Variants in ZHX2 observed in about 807,000 individuals in gnomAD.
The protein encoded by ZHX2 is zinc fingers and homeoboxes protein 2.
Under a neutral mutation model 21.9 loss-of-function variants are expected in ZHX2, and 6 were observed. The observed-to-expected ratio is 0.27, with a 90% CI of 0.15 to 0.54. The LOEUF (loss-of-function observed/expected upper bound fraction) is 0.54, where lower values mean the gene tolerates loss of function less well. ZHX2 is among the 20% of genes least tolerant of loss of function. The pLI is 0.95. For missense variants in ZHX2, 908 were observed against 1,090.7 expected (o/e 0.83, Z 2.36); for synonymous variants, 434 against 437.1 (o/e 0.99, Z 0.09).
At chr8:122,909,194 A>G (rs1388670435) in intron 2 of ZHX2, among the ~76,000 whole-genome samples, 2 of 152,104 alleles carry the variant, frequency 1.3e-5, no homozygotes, top group Non-Finnish European at 2.9e-5. Context: ...AGTTTGGGAG[A>G]TCGAGGTGGG....
rs1813774331 is a variant in ZHX2 at position 122,973,353 on chromosome 8, C to G, written c.*116C>G. ...CCCTTGCCAGTGACTCCAAGTGGAA[C>G]TACTTAGCTCGCGTGTGCCTGGAGG... On this transcript the variant is annotated 3_prime_UTR_variant, in exon 4 of 4. Coordinates refer to ENST00000314393, the MANE Select transcript of ZHX2 (RefSeq NM_014943.5). 6.5e-6 allele frequency: 1 copy of G among 152,720 alleles called. No homozygotes were observed. The highest frequency in any genetic ancestry group is 2.1e-4 in the South Asian group (1 of 4,838). 9.5% of individuals were successfully genotyped at this position (152,720 alleles called of 1,614,324 possible). A position where few individuals can be genotyped will look rare whatever the true frequency, so the allele number is the denominator to read the frequency against.
At chr8:122,849,515 CT>C (rs1003886772) in intron 1 of ZHX2, among the ~76,000 whole-genome samples, 1 of 151,988 alleles carries the variant, frequency 6.6e-6, no homozygotes, top group Non-Finnish European at 1.5e-5. Context: ...TAGGGAACAT[CT>C]TTTTTTTGCC....
intron 2 of ZHX2, among the ~76,000 whole-genome samples, chr8:122,923,496 T>G (rs930216359): frequency 6.6e-6 from 1 of 152,212 alleles, no homozygotes; most frequent in African/African-American, 2.4e-5. Flanking sequence ...TTCCACCATA[T>G]TATACTGGTC....
chr8:122,781,204 A>G, upstream of ZHX2: 2 of 152,262 alleles, frequency 1.3e-5, 1 homozygote, highest in Non-Finnish European at 2.9e-5. This position sits in a 1 kb window ranked among gnomAD's most constrained non-coding sequence, Gnocchi z 4.6. Context: ...GGGTACCGCC[A>G]GAGCCGGGCC....
chr8:122,946,961 A>G (rs35276815), intron 2 of ZHX2, among the ~76,000 whole-genome samples: 5,717 of 152,052 alleles, frequency 0.038, 166 homozygotes, highest in Non-Finnish European at 0.056. Context: ...GCCTCCCTAC[A>G]GTTAATTTGT....
intron 2 of ZHX2, among the ~76,000 whole-genome samples, chr8:122,909,468 G>T (rs1180840117): frequency 6.6e-6 from 1 of 151,544 alleles, no homozygotes; most frequent in Non-Finnish European, 1.5e-5. Flanking sequence ...GCAGGCGTTA[G>T]GGGACAACTT....
intron 1 of ZHX2, among the ~76,000 whole-genome samples, chr8:122,823,675 G>T (rs1818202152): frequency 6.6e-6 from 1 of 152,180 alleles, no homozygotes; most frequent in Admixed American, 6.5e-5. Flanking sequence ...GTGACAAAGA[G>T]GTTCCCTTGT....
At chr8:122,836,624 T>C (rs999533774) in intron 1 of ZHX2, among the ~76,000 whole-genome samples, 1 of 152,322 alleles carries the variant, frequency 6.6e-6, no homozygotes, top group Admixed American at 6.5e-5. Context: ...TTTTATAGTC[T>C]CCTGTAAACA....
In ZHX2 at chr8:122,782,735, G is replaced by A. The variant is rs1298009394; in HGVS notation, c.-283+789G>A. On this transcript the variant is annotated intron_variant, in intron 1 of 3. Coordinates refer to ENST00000314393, the MANE Select transcript of ZHX2 (RefSeq NM_014943.5). The surrounding 1 kb of genome is among the most constrained non-coding windows in gnomAD (Gnocchi z 5.3). ...TGCAGGGGGAGTCCGCGCGGGGCGG[G>A]GGGCCGAGGGCGGCCGCGGGACCCC... is the stretch of plus-strand genomic sequence containing the variant. Among the ~76,000 whole-genome samples, 1 of 152,036 alleles carries A rather than the reference G, an allele frequency of 6.6e-6. No individual in the cohort carries two copies. Among genetic ancestry groups the A allele is most frequent in the East Asian group, 1.9e-4 (1 of 5,180 alleles).
intron 2 of ZHX2, among the ~76,000 whole-genome samples, chr8:122,895,087 T>A (rs190744220): frequency 6.6e-6 from 1 of 152,212 alleles, no homozygotes; most frequent in East Asian, 1.9e-4. Flanking sequence ...ATCACCAGAA[T>A]TGATTTCCCT....
chr8:122,952,779 C>T lies in ZHX2; in HGVS notation c.1269C>T (p.Ile423=), dbSNP rs139727089. The change falls in exon 3 of 4, where the codon ATC becomes ATT. Residue 423 remains isoleucine (I), a synonymous_variant. Transcript: ENST00000314393. This position sits in a 1 kb window ranked among gnomAD's most constrained non-coding sequence, Gnocchi z 6.9. ...CCCCCGAACCCAAGCGTCCACACAT[C>T]GCTCAGGTGCCAGAGCCCCCACCCA... is the stretch of plus-strand genomic sequence containing the variant. The part of the protein sequence containing the change: ...QAAPEPKRPH[I]AQVPEPPPKV... 6.9e-5 allele frequency: 112 copies of T among 1,614,108 alleles called. 1 individual carries two copies. The African/African-American group carries it at 1.1e-3, about 16-fold the overall frequency.
chr8:122,944,116 C>A (rs1786662355), intron 2 of ZHX2, among the ~76,000 whole-genome samples: 1 of 152,320 alleles, frequency 6.6e-6, no homozygotes, highest in Non-Finnish European at 1.5e-5. Flanking sequence ...CAGAATTCTA[C>A]TCCCCCTTTG....
chr8:122,833,030 A>C (rs1818413511), intron 1 of ZHX2, among the ~76,000 whole-genome samples: 2 of 152,122 alleles, frequency 1.3e-5, no homozygotes. Flanking sequence ...TGAAACCTTG[A>C]GGTAGTACAC....
chr8:122,935,330 A>G (rs1330917651), intron 2 of ZHX2, among the ~76,000 whole-genome samples: 1 of 152,158 alleles, frequency 6.6e-6, no homozygotes, highest in Admixed American at 6.5e-5. Flanking sequence ...TCAAAAAAGT[A>G]TCTTTGGGGA....
intron 2 of ZHX2, among the ~76,000 whole-genome samples, chr8:122,949,632 C>G (rs1448363311): frequency 6.6e-6 from 1 of 152,076 alleles, no homozygotes; most frequent in African/African-American, 2.4e-5. Flanking sequence ...TAACTTGAGC[C>G]CAGGTGTTGG....
chr8:122,782,690 T>G lies in ZHX2; in HGVS notation c.-283+744T>G, dbSNP rs1416017743. On this transcript the variant is annotated intron_variant, in intron 1 of 3. Coordinates refer to ENST00000314393, the MANE Select transcript of ZHX2 (RefSeq NM_014943.5). This position sits in a 1 kb window ranked among gnomAD's most constrained non-coding sequence, Gnocchi z 5.3. ...CGGGGGCAGGGCCGGAGCGCGGCGC[T>G]GTCCTCACCCCCGCTCAGGTGCAGG... is the stretch of plus-strand genomic sequence containing the variant. Among the ~76,000 whole-genome samples the G allele has an allele frequency of 6.6e-6, 1 of 151,954 alleles. No individual in the cohort carries two copies. Among genetic ancestry groups the G allele is most frequent in the Non-Finnish European group, 1.5e-5 (1 of 67,956 alleles).
At chr8:122,788,521 C>T (rs745636740) in intron 1 of ZHX2, among the ~76,000 whole-genome samples, 2 of 152,188 alleles carry the variant, frequency 1.3e-5, no homozygotes, top group Admixed American at 6.5e-5. Flanking sequence ...AAGCCATGAT[C>T]ACGTCACTGC....
At chr8:122,811,192 C>T (rs1817919865) in intron 1 of ZHX2, among the ~76,000 whole-genome samples, 1 of 151,934 alleles carries the variant, frequency 6.6e-6, no homozygotes, top group South Asian at 2.1e-4. Context: ...CCAGCCTGGG[C>T]AACATGGCGA....
intron 2 of ZHX2, among the ~76,000 whole-genome samples, chr8:122,870,075 C>T (rs1708602375): frequency 6.6e-6 from 1 of 152,130 alleles, no homozygotes; most frequent in South Asian, 2.1e-4. Flanking sequence ...TTCAATTAGA[C>T]CCTGAAGGAG....
Sources: gnomAD v4.1 joint callset for allele counts (sites outside exome capture counted in the v4.1 genomes callset) on GRCh38, gnomAD v4.1.1 for gene constraint, Gnocchi (gnomAD v3.1) non-coding constraint, MANE v1.5 for transcripts, NCBI Gene and HGNC (gene_info 2026-07-23, HGNC 2026-07-21) for gene names.